Variants in SEMA6D observed in about 807,000 individuals in gnomAD.
SEMA6D encodes the protein semaphorin 6D, also known as semaphorin-6D.
SEMA6D carries 35 observed loss-of-function variants against 106.6 expected under a neutral mutation model. The observed-to-expected ratio is 0.33, with a 90% CI of 0.25 to 0.44. The LOEUF (loss-of-function observed/expected upper bound fraction) is 0.44, where lower values mean the gene tolerates loss of function less well. SEMA6D is among the 20% of genes least tolerant of loss of function. The pLI is 1.00. For missense variants in SEMA6D, 1,185 were observed against 1,345.9 expected (o/e 0.88, Z 1.87); for synonymous variants, 499 against 487.7 (o/e 1.02, Z -0.31).
intron 1 of SEMA6D, among the ~76,000 whole-genome samples, chr15:47,205,452 A>G (rs1400805355): frequency 6.6e-6 from 1 of 152,190 alleles, no homozygotes; most frequent in African/African-American, 2.4e-5. Context: ...AGTCAGTTAA[A>G]TAAGTAAACC....
intron 4 of SEMA6D, among the ~76,000 whole-genome samples, chr15:47,633,625 A>C (rs567706487): frequency 3.9e-5 from 6 of 152,292 alleles, no homozygotes; most frequent in African/African-American, 1.4e-4. Flanking sequence ...GGTTTATTCT[A>C]TCTGGGTTAT....
chr15:47,557,469 TTGGG>T (rs2045948083), intron 3 of SEMA6D, among the ~76,000 whole-genome samples: 1 of 152,192 alleles, frequency 6.6e-6, no homozygotes, highest in Non-Finnish European at 1.5e-5. Flanking sequence ...AGTTGATGTC[TTGGG>T]TGCCACCTTC....
chr15:47,491,245 C>T (rs1390419534), intron 3 of SEMA6D, among the ~76,000 whole-genome samples: 1 of 152,030 alleles, frequency 6.6e-6, no homozygotes, highest in Non-Finnish European at 1.5e-5. Flanking sequence ...TAGAAACAAC[C>T]AAGATGATAA....
At chr15:47,714,720 C>T (rs1259970802), upstream of SEMA6D, among the ~76,000 whole-genome samples, 2 of 152,218 alleles carry the variant, frequency 1.3e-5, no homozygotes, top group African/African-American at 2.4e-5. Context: ...AACAAACATT[C>T]TCATGCCAGT....
intron 4 of SEMA6D, among the ~76,000 whole-genome samples, chr15:47,645,567 A>G (rs920771502): frequency 3.3e-5 from 5 of 151,738 alleles, no homozygotes; most frequent in African/African-American, 9.7e-5. Context: ...CTGACACCAA[A>G]TGTGTGGGGG....
chr15:47,426,275 C>G (rs2041335252), intron 2 of SEMA6D, among the ~76,000 whole-genome samples: 1 of 152,046 alleles, frequency 6.6e-6, no homozygotes, highest in Admixed American at 6.6e-5. Context: ...GTGGCTGGTA[C>G]TACAGGCATG....
chr15:47,654,877 C>A (rs1182970770), intron 4 of SEMA6D, among the ~76,000 whole-genome samples: 1 of 152,164 alleles, frequency 6.6e-6, no homozygotes, highest in Non-Finnish European at 1.5e-5. Context: ...CCAATTATAC[C>A]TGTTTTCTTT....
chr15:47,400,502 A>G (rs1272447130), intron 1 of SEMA6D, among the ~76,000 whole-genome samples: 2 of 151,918 alleles, frequency 1.3e-5, no homozygotes, highest in Admixed American at 1.3e-4. Flanking sequence ...AAAAAAAAAA[A>G]ATCCTTCCTA....
chr15:47,504,788 G>A (rs2043981487), intron 3 of SEMA6D, among the ~76,000 whole-genome samples: 2 of 152,154 alleles, frequency 1.3e-5, no homozygotes, highest in Admixed American at 1.3e-4. Context: ...AACAAAAGAG[G>A]AAGAGGCTAA....
intron 3 of SEMA6D, among the ~76,000 whole-genome samples, chr15:47,471,931 T>TCACA (rs1168586101): frequency 0.052 from 6,258 of 121,354 alleles, 186 homozygotes; most frequent in East Asian, 0.091. Context: ...TCTCTCTCTC[T>TCACA]CACACACACA....
At chr15:47,426,465 C>G (rs528623556) in intron 2 of SEMA6D, among the ~76,000 whole-genome samples, 10 of 152,232 alleles carry the variant, frequency 6.6e-5, no homozygotes, top group African/African-American at 2.2e-4. Context: ...ATTGAATCAC[C>G]TGTCTTCTAG....
rs529491166 is a variant in SEMA6D, at chr15:47,671,551, G to A, written c.-55+70655G>A. 1.0e-3 allele frequency among the ~76,000 whole-genome samples: 152 copies of A among 152,220 alleles called. 1 individual carries two copies. The highest frequency in any genetic ancestry group is 3.4e-3 in the Middle Eastern group (1 of 294). On this transcript the variant is annotated intron_variant, in intron 4 of 19. Coordinates refer to the SEMA6D transcript ENST00000558014. ...TGGCTGGAGCACTGGATAATGGAAC[G>A]TATTCGGGGACTACAAATGGAAAGC...
intron 1 of SEMA6D, among the ~76,000 whole-genome samples, chr15:47,755,033 C>A (rs1299527138): frequency 1.3e-5 from 2 of 149,374 alleles, no homozygotes; most frequent in African/African-American, 5.0e-5. Context: ...CTCACTGCAA[C>A]CTCTGCCTCC....
chr15:47,413,683 G>A (rs1360221070), intron 2 of SEMA6D, among the ~76,000 whole-genome samples: 1 of 152,082 alleles, frequency 6.6e-6, no homozygotes, highest in Non-Finnish European at 1.5e-5. Context: ...GGGTATCACT[G>A]TGTTGTCCAA....
At chr15:47,717,955 A>C (rs928794745) in intron 1 of SEMA6D, among the ~76,000 whole-genome samples, 2 of 151,292 alleles carry the variant, frequency 1.3e-5, no homozygotes, top group South Asian at 4.2e-4. Context: ...AGGGCTAGAG[A>C]GGTTTGGCGG....
chr15:47,510,254 G>T (rs1197115593), intron 3 of SEMA6D, among the ~76,000 whole-genome samples: 1 of 152,158 alleles, frequency 6.6e-6, no homozygotes, highest in African/African-American at 2.4e-5. Context: ...AACTCTGCAT[G>T]CAAGGGAGAT....
intron 4 of SEMA6D, among the ~76,000 whole-genome samples, chr15:47,665,793 G>A (rs560820458): frequency 6.6e-6 from 1 of 152,352 alleles, no homozygotes; most frequent in South Asian, 2.1e-4. Context: ...CTGGGCGACA[G>A]AGCAAGACTC....
intron 1 of SEMA6D, among the ~76,000 whole-genome samples, chr15:47,402,748 T>C (rs984593865): frequency 9.2e-5 from 2 of 21,652 alleles, no homozygotes; most frequent in South Asian, 1.8e-3. Context: ...TGAGCCAGAC[T>C]TTTTTTTTTT....
intron 1 of SEMA6D, among the ~76,000 whole-genome samples, chr15:47,322,315 T>C (rs2036955232): frequency 6.6e-6 from 1 of 151,920 alleles, no homozygotes; most frequent in African/African-American, 2.4e-5. Context: ...ATTTTTCAAT[T>C]CTAGAATCTG....
Sources: allele counts gnomAD v4.1 joint callset (sites outside exome capture counted in the v4.1 genomes callset), GRCh38; gene constraint gnomAD v4.1.1; transcripts MANE v1.5; gene names NCBI Gene and HGNC (gene_info 2026-07-23, HGNC 2026-07-21).